The following IGF2BP3 variants were observed in gnomAD, a reference collection of about 807,000 sequenced individuals.
The protein encoded by IGF2BP3 is insulin like growth factor 2 mRNA binding protein 3.
In IGF2BP3, 9 loss-of-function variants were observed where a neutral mutation model predicts 73.8. The ratio of observed to expected loss-of-function variants is 0.12; its 90% CI spans 0.07 to 0.21. IGF2BP3 has a LOEUF of 0.21. Among genes scored for constraint, IGF2BP3 ranks in the 10% least tolerant of loss-of-function variants. IGF2BP3 has a pLI of 1.00. For missense variants in IGF2BP3, 542 were observed against 714.0 expected, an observed-to-expected ratio of 0.76 and a Z score of 2.75; for synonymous variants, 258 against 256.7, an observed-to-expected ratio of 1.01 and a Z score of -0.05.
chr7:23,376,231 G>A (rs535170335), intron 3 of IGF2BP3, among the ~76,000 whole-genome samples: 1 of 152,286 alleles, frequency 6.6e-6, no homozygotes, highest in South Asian at 2.1e-4. Flanking sequence ...AGTGTTACTT[G>A]AGATATTTCT....
chr7:23,337,845 C>T (rs1784611555), intron 10 of IGF2BP3, among the ~76,000 whole-genome samples: 1 of 152,138 alleles, frequency 6.6e-6, no homozygotes, highest in Non-Finnish European at 1.5e-5. Context: ...ATCCTTTATC[C>T]TTCTTGTTGG....
At chr7:23,365,573 G>A (rs1785349132) in intron 3 of IGF2BP3, 1 of 152,114 alleles carries the variant, frequency 6.6e-6, no homozygotes. Context: ...AAAAATCGGG[G>A]GACAATCCTT....
Position 23,447,677 on chromosome 7 carries a change from A to C in IGF2BP3, c.236+20805T>G, listed in dbSNP as rs1402994383. The stretch of plus-strand genomic sequence containing the variant: ...AAGACCAAGGAACTGTCCCAGATTA[A>C]AAGAGACCAAACAGGCTGGGCATAG... On this transcript the variant is annotated intron_variant, in intron 2 of 14. Transcript: ENST00000258729. 1.3e-5 allele frequency among the ~76,000 whole-genome samples: 2 copies of C among 152,080 alleles called. 1 individual carries two copies. The highest frequency in any genetic ancestry group is 2.9e-5 in the Non-Finnish European group (2 of 68,006).
intron 3 of IGF2BP3, among the ~76,000 whole-genome samples, chr7:23,396,729 T>G (rs1244246421): frequency 6.6e-6 from 1 of 152,110 alleles, no homozygotes; most frequent in South Asian, 2.1e-4. Flanking sequence ...AATGGATTCT[T>G]GGCAAAGAAA....
intron 3 of IGF2BP3, among the ~76,000 whole-genome samples, chr7:23,368,310 GAA>G (rs1785438909): frequency 7.5e-6 from 1 of 132,884 alleles, no homozygotes; most frequent in African/African-American, 2.9e-5. Flanking sequence ...CAGAAAGAGA[GAA>G]AGAGAGAGAG....
At chr7:23,400,098 G>A (rs970015755) in intron 3 of IGF2BP3, among the ~76,000 whole-genome samples, 1 of 152,154 alleles carries the variant, frequency 6.6e-6, no homozygotes, top group African/African-American at 2.4e-5. Flanking sequence ...GCACACAGGA[G>A]CTGAGCAACT....
At chr7:23,435,098 T>C (rs1316655781) in intron 2 of IGF2BP3, among the ~76,000 whole-genome samples, 2 of 151,646 alleles carry the variant, frequency 1.3e-5, no homozygotes, top group African/African-American at 4.8e-5. Flanking sequence ...GATGAGACCA[T>C]CCTGGCTAAC....
At chr7:23,380,602 A>T (rs1235644185) in intron 3 of IGF2BP3, among the ~76,000 whole-genome samples, 1 of 152,198 alleles carries the variant, frequency 6.6e-6, no homozygotes, top group Non-Finnish European at 1.5e-5. Flanking sequence ...ATGTCTTCTT[A>T]CTTCTAGGAC....
At position 23,467,324 on chromosome 7, in the gene IGF2BP3, C is replaced by T. The variant is rs921056101; in HGVS notation, c.236+1158G>A. 9.2e-5 allele frequency among the ~76,000 whole-genome samples: 14 copies of T among 152,308 alleles called. No homozygotes were observed. In the South Asian group the frequency reaches 2.9e-3, roughly 32 times the overall value. Reference sequence around the variant, plus strand: ...ATTTCTGCACAGCACCAGAGAAATGCATAGCAAACCCTCCTGCTCTCCAGC... The same window carrying T: ...ATTTCTGCACAGCACCAGAGAAATGTATAGCAAACCCTCCTGCTCTCCAGC... On this transcript the variant is annotated intron_variant, in intron 2 of 14. Coordinates refer to ENST00000258729, the MANE Select transcript of IGF2BP3 (RefSeq NM_006547.3).
intron 10 of IGF2BP3, among the ~76,000 whole-genome samples, chr7:23,339,695 C>T (rs1784660062): frequency 6.6e-6 from 1 of 152,174 alleles, no homozygotes; most frequent in Non-Finnish European, 1.5e-5. Flanking sequence ...GGTTAAGCAA[C>T]CCACCCAGAG....
intron 6 of IGF2BP3, among the ~76,000 whole-genome samples, chr7:23,348,336 A>G (rs1379961835): frequency 6.6e-6 from 1 of 152,236 alleles, no homozygotes; most frequent in African/African-American, 2.4e-5. Flanking sequence ...TAATTTCACT[A>G]GTAATTATAT....
intron 10 of IGF2BP3, among the ~76,000 whole-genome samples, chr7:23,331,203 T>C (rs1784436115): frequency 1.3e-5 from 2 of 152,236 alleles, no homozygotes; most frequent in African/African-American, 4.8e-5. Flanking sequence ...CCATGATGAT[T>C]TGGGACCATG....
intron 3 of IGF2BP3, chr7:23,414,046 A>G (rs961136624): frequency 6.6e-6 from 1 of 151,984 alleles, no homozygotes; most frequent in Non-Finnish European, 1.5e-5. Flanking sequence ...GCCACTCAGG[A>G]GGCTGAAGCA....
chr7:23,320,980 AAAAG>A (rs1784128069), intron 10 of IGF2BP3, among the ~76,000 whole-genome samples: 1 of 151,798 alleles, frequency 6.6e-6, no homozygotes, highest in African/African-American at 2.4e-5. Context: ...GAAAAAACAA[AAAAG>A]AAAAGAAAGG....
chr7:23,337,433 C>G (rs1376001047), intron 10 of IGF2BP3, among the ~76,000 whole-genome samples: 1 of 152,248 alleles, frequency 6.6e-6, no homozygotes, highest in African/African-American at 2.4e-5. Context: ...TGCTTCCTCT[C>G]TTCCAGGCTC....
chr7:23,330,630 A>G (rs1402903384), intron 10 of IGF2BP3, among the ~76,000 whole-genome samples: 2 of 152,200 alleles, frequency 1.3e-5, no homozygotes, highest in African/African-American at 4.8e-5. Context: ...GAAAGCAACA[A>G]CTGAAAGCAA....
intron 5 of IGF2BP3, among the ~76,000 whole-genome samples, chr7:23,355,477 TG>T (rs1274572699): frequency 2.0e-5 from 3 of 151,686 alleles, no homozygotes; most frequent in Admixed American, 6.6e-5. Flanking sequence ...GTGATCTACC[TG>T]CCTCAGCCTC....
rs1051987721 is a variant in IGF2BP3 at position 23,460,882 on chromosome 7, C to T, written c.236+7600G>A. 7.2e-5 allele frequency among the ~76,000 whole-genome samples: 11 copies of T among 151,850 alleles called. No individual in the cohort carries two copies. In the East Asian group the frequency reaches 1.4e-3, roughly 19 times the overall value. On this transcript the variant is annotated intron_variant, in intron 2 of 14. Transcript: ENST00000258729. Reference sequence around the variant, plus strand: ...AGGAGGACCTCTTGAACCCGGGAGGCGGAGGCTGCAGTGAGCCAAGATCGC... The same window carrying T: ...AGGAGGACCTCTTGAACCCGGGAGGTGGAGGCTGCAGTGAGCCAAGATCGC...
At chr7:23,413,759 C>T (rs1156551419) in intron 3 of IGF2BP3, 1 of 152,206 alleles carries the variant, frequency 6.6e-6, no homozygotes, top group Non-Finnish European at 1.5e-5. Flanking sequence ...ACTGAGTCTA[C>T]TCTTCAGGTA....
Sources: allele counts gnomAD v4.1 joint callset (sites outside exome capture counted in the v4.1 genomes callset), GRCh38; gene constraint gnomAD v4.1.1; transcripts MANE v1.5; gene names NCBI Gene and HGNC (gene_info 2026-07-23, HGNC 2026-07-21).